Variants in NEURL1B observed in about 807,000 individuals in gnomAD.
NEURL1B encodes the protein E3 ubiquitin-protein ligase NEURL1B.
A neutral mutation model predicts 37.4 loss-of-function variants in NEURL1B; 13 were observed. The ratio of observed to expected loss-of-function variants is 0.35; its 90% CI spans 0.23 to 0.55. The LOEUF (loss-of-function observed/expected upper bound fraction) is 0.55. NEURL1B is among the 20% of genes least tolerant of loss of function. The pLI is 0.89. For synonymous variants in NEURL1B, 432 were observed against 426.6 expected (o/e 1.01, Z -0.16); for missense variants, 790 against 879.2 (o/e 0.90, Z 1.28).
chr5:172,663,904 G>C (rs906605537), intron 1 of NEURL1B, among the ~76,000 whole-genome samples: 7 of 147,542 alleles, frequency 4.7e-5, no homozygotes, highest in African/African-American at 1.7e-4. Flanking sequence ...GGTGCCAGAA[G>C]CTAAGGATCT....
intron 1 of NEURL1B, among the ~76,000 whole-genome samples, chr5:172,645,209 A>G (rs1205090277): frequency 6.6e-6 from 1 of 152,154 alleles, no homozygotes; most frequent in Non-Finnish European, 1.5e-5. Context: ...CCCATTTTAC[A>G]GGGCAGCAAG....
At position 172,683,654 on chromosome 5, in the gene NEURL1B, G is replaced by A; in HGVS notation, c.813G>A (p.Ser271=). ...CGPRERPRPA[S]SPALLEADLR... is the part of the protein sequence containing the mutation. The stretch of plus-strand genomic sequence containing the variant: ...CCCGTGAGCGCCCGCGGCCCGCGTC[G>A]TCGCCGGCGCTACTGGAGGCCGACC... Residue 271 remains serine, a synonymous_variant, in exon 3 of 5, where the codon TCG becomes TCA. Coordinates refer to ENST00000369800, the MANE Select transcript of NEURL1B (RefSeq NM_001142651.3). This position sits in a 1 kb window ranked among gnomAD's most constrained non-coding sequence, Gnocchi z 5.6. 1 of 1,263,444 alleles carries A rather than the reference G, an allele frequency of 7.9e-7. No homozygotes were observed. The highest frequency in any genetic ancestry group is 1.0e-6 in the Non-Finnish European group (1 of 996,550). 78.3% of individuals were successfully genotyped at this position (1,263,444 alleles called of 1,614,324 possible). A position where few individuals can be genotyped will look rare whatever the true frequency, so the allele number is the denominator to read the frequency against.
At position 172,647,640 on chromosome 5, in the gene NEURL1B, T is replaced by G. The variant is rs1757583814; in HGVS notation, c.31+6203T>G. Among the ~76,000 whole-genome samples the G allele has an allele frequency of 6.6e-6, 1 of 152,074 alleles. No individual in the cohort carries two copies. The highest frequency in any genetic ancestry group is 1.9e-4 in the East Asian group (1 of 5,176). On this transcript the variant is annotated intron_variant, in intron 1 of 4. Coordinates refer to ENST00000369800, the MANE Select transcript of NEURL1B (RefSeq NM_001142651.3). This position sits in a 1 kb window ranked among gnomAD's most constrained non-coding sequence, Gnocchi z 4.2. ...CACCCTTATTGCAGGTGCACTCCCT[T>G]TGCCCTCTGAAGATGAATTACTTCT... is the stretch of plus-strand genomic sequence containing the variant.
intron 1 of NEURL1B, among the ~76,000 whole-genome samples, chr5:172,648,648 A>G (rs1194681324): frequency 6.6e-6 from 1 of 152,260 alleles, no homozygotes; most frequent in African/African-American, 2.4e-5. Flanking sequence ...GAGGGTTCCC[A>G]TGGAGGACAT....
In NEURL1B at chr5:172,686,670, C is replaced by T; in HGVS notation, c.1424-11C>T. 6.5e-7 allele frequency: 1 copy of T among 1,547,770 alleles called. No homozygotes were observed. ...CATTGTTAACATATGTCCTCTTCTCCCTTTCGGCAGTGACGGCCCCCAGCT... is the reference window on the plus strand; with the variant it reads ...CATTGTTAACATATGTCCTCTTCTCTCTTTCGGCAGTGACGGCCCCCAGCT... On this transcript the variant is annotated splice_polypyrimidine_tract_variant and intron_variant, in intron 4 of 4. Coordinates refer to ENST00000369800, the MANE Select transcript of NEURL1B (RefSeq NM_001142651.3). The surrounding 1 kb of genome is among the most constrained non-coding windows in gnomAD (Gnocchi z 7.9).
rs1434877518 is a variant in NEURL1B at position 172,690,483 on chromosome 5, C to T, written c.*3558C>T. ...TCAGGGGTTTGATAAAACAGCACCACATAACGCACACAAAGATACTCCAGA... is the reference window on the plus strand; with the variant it reads ...TCAGGGGTTTGATAAAACAGCACCATATAACGCACACAAAGATACTCCAGA... On this transcript the variant is annotated 3_prime_UTR_variant, in exon 5 of 5. Coordinates refer to ENST00000369800, the MANE Select transcript of NEURL1B (RefSeq NM_001142651.3). 6.6e-6 allele frequency: 1 copy of T among 152,232 alleles called. No homozygotes were observed. The highest frequency in any genetic ancestry group is 1.5e-5 in the Non-Finnish European group (1 of 68,054). 9.4% of individuals were successfully genotyped at this position (152,232 alleles called of 1,614,324 possible).
In NEURL1B at chr5:172,670,197, C is replaced by T. The variant is rs1758096280; in HGVS notation, c.444C>T (p.Ala148=). The change falls in exon 2 of 5, where the codon GCC becomes GCT. Residue 148 remains alanine (A), a synonymous_variant. Transcript: ENST00000369800. ...ALRDTVLAYW[A]DRHGRVFYSV... ...GCGACACGGTGCTGGCCTACTGGGC[C>T]GACCGCCACGGCCGCGTGTTCTACA... 1 of 1,462,356 alleles carries T rather than the reference C, an allele frequency of 6.8e-7. No homozygotes were observed. Among genetic ancestry groups the T allele is most frequent in the Admixed American group, 2.6e-5 (1 of 38,512 alleles). The allele number at this position is 1,462,356 out of a possible 1,614,324, so 90.6% of individuals were successfully genotyped here.
At chr5:172,656,351 T>A (rs920098725) in intron 1 of NEURL1B, among the ~76,000 whole-genome samples, 10 of 152,152 alleles carry the variant, frequency 6.6e-5, no homozygotes, top group Admixed American at 3.3e-4. Flanking sequence ...TAAGTTTATT[T>A]TTTATTTATT....
chr5:172,641,344 G>A lies in NEURL1B; in HGVS notation c.-63G>A, dbSNP rs1338863948. 7.3e-6 allele frequency: 10 copies of A among 1,362,154 alleles called. No homozygotes were observed. The highest frequency in any genetic ancestry group is 3.1e-5 in the Admixed American group (1 of 32,060). 84.4% of individuals were successfully genotyped at this position (1,362,154 alleles called of 1,614,324 possible). A position where few individuals can be genotyped will look rare whatever the true frequency, so the allele number is the denominator to read the frequency against. ...CGACCCCGGTCCTGGTCCCTGGCCC[G>A]CCGCGTAATTAGCCTCCGCGCGCCC... On this transcript the variant is annotated 5_prime_UTR_variant, in exon 1 of 5. Coordinates refer to ENST00000369800, the MANE Select transcript of NEURL1B (RefSeq NM_001142651.3). This position sits in a 1 kb window ranked among gnomAD's most constrained non-coding sequence, Gnocchi z 6.4.
intron 1 of NEURL1B, among the ~76,000 whole-genome samples, chr5:172,659,765 C>T (rs1419226938): frequency 1.3e-5 from 2 of 152,202 alleles, no homozygotes; most frequent in African/African-American, 4.8e-5. Flanking sequence ...CTGGCCTGTA[C>T]TCCTCACAGT....
chr5:172,685,760 C>T lies in NEURL1B; in HGVS notation c.1298-411C>T, dbSNP rs145177886. On this transcript the variant is annotated intron_variant, in intron 3 of 4. Coordinates refer to ENST00000369800, the MANE Select transcript of NEURL1B (RefSeq NM_001142651.3). Reference sequence around the variant, plus strand: ...GGTTGGCTCTTCCAGCTCCAGGCTTCCTTCCCAATGAATGGAATGAGTTCC... The same window carrying T: ...GGTTGGCTCTTCCAGCTCCAGGCTTTCTTCCCAATGAATGGAATGAGTTCC... Among the ~76,000 whole-genome samples the T allele has an allele frequency of 7.5e-3, 1,149 of 152,302 alleles. 6 individuals are homozygous for T. Among genetic ancestry groups the T allele is most frequent in the Non-Finnish European group, 0.011 (750 of 68,028 alleles).
In NEURL1B at chr5:172,684,131, T is replaced by A. The variant is rs1217643077; in HGVS notation, c.1290T>A (p.Arg430=). The part of the protein sequence containing the change: ...AVRGGVAGQL[R]LLGTLQSSPA... ...GCGGCGGCGTCGCGGGCCAGCTGCGTCTCCTCGGTGAGTCCCCGGCCCCGC... is the reference window on the plus strand; with the variant it reads ...GCGGCGGCGTCGCGGGCCAGCTGCGACTCCTCGGTGAGTCCCCGGCCCCGC... The change falls in exon 3 of 5, where the codon CGT becomes CGA. Residue 430 remains arginine (R), a synonymous_variant. Transcript: ENST00000369800. 4 of 1,249,916 alleles carry A rather than the reference T, an allele frequency of 3.2e-6. No individual in the cohort carries two copies. The highest frequency in any genetic ancestry group is 4.0e-6 in the Non-Finnish European group (4 of 996,688). 77.4% of individuals were successfully genotyped at this position (1,249,916 alleles called of 1,614,324 possible).
intron 1 of NEURL1B, among the ~76,000 whole-genome samples, chr5:172,663,843 T>TATC (rs1757955011): frequency 6.7e-6 from 1 of 148,692 alleles, no homozygotes; most frequent in Non-Finnish European, 1.5e-5. Context: ...TTATTATTAT[T>TATC]ATTATTATTA....
chr5:172,655,818 A>G (rs1757764746), intron 1 of NEURL1B, among the ~76,000 whole-genome samples: 1 of 151,876 alleles, frequency 6.6e-6, no homozygotes, highest in South Asian at 2.1e-4. Context: ...GGCTGCCACA[A>G]TAGGGCGGGG....
In NEURL1B at chr5:172,681,177, C is replaced by G. The variant is rs141756157; in HGVS notation, c.578-2242C>G. ...GAAGTCCACTCCTATGATCCAATCA[C>G]CTCCAACACTAGGGATTACAATTTG... On this transcript the variant is annotated intron_variant, in intron 2 of 4. Transcript: ENST00000369800. 1.1e-3 allele frequency among the ~76,000 whole-genome samples: 167 copies of G among 152,268 alleles called. 2 individuals carry two copies. The South Asian group carries it at 0.024, about 22-fold the overall frequency.
At chr5:172,643,016 C>T (rs1757495286) in intron 1 of NEURL1B, among the ~76,000 whole-genome samples, 2 of 152,236 alleles carry the variant, frequency 1.3e-5, no homozygotes, top group African/African-American at 4.8e-5. Context: ...AGCCATTCTG[C>T]CACCTGTGGG....
At chr5:172,650,756 A>G (rs1406406121) in intron 1 of NEURL1B, among the ~76,000 whole-genome samples, 1 of 152,214 alleles carries the variant, frequency 6.6e-6, no homozygotes, top group African/African-American at 2.4e-5. Flanking sequence ...AGGGAGGGGA[A>G]GGGGTTCGTA....
Position 172,683,373 on chromosome 5 carries a change from G to T in NEURL1B, c.578-46G>T. 7.8e-7 allele frequency: 1 copy of T among 1,275,456 alleles called. No homozygotes were observed. Among genetic ancestry groups the T allele is most frequent in the South Asian group, 2.4e-5 (1 of 41,682 alleles). 79.0% of individuals were successfully genotyped at this position (1,275,456 alleles called of 1,614,324 possible). ...GCGAGGAGGGGCTCGCGACCAGCCT[G>T]ACGCGCGGCCTCTCCCCCTCCATGT... On this transcript the variant is annotated intron_variant, in intron 2 of 4. Coordinates refer to ENST00000369800, the MANE Select transcript of NEURL1B (RefSeq NM_001142651.3). This position sits in a 1 kb window ranked among gnomAD's most constrained non-coding sequence, Gnocchi z 5.6.
At position 172,665,697 on chromosome 5, in the gene NEURL1B, CA is replaced by C. The variant is rs1757996996; in HGVS notation, c.32-4085del. On this transcript the variant is annotated intron_variant, in intron 1 of 4. Transcript: ENST00000369800. The surrounding 1 kb of genome is among the most constrained non-coding windows in gnomAD (Gnocchi z 4.1). The stretch of plus-strand genomic sequence containing the variant: ...CTACCGTATCACTTTACCCTCCCCC[CA>C]AATTCCAGCCTCCCCCTGCCTCTGC... Among the ~76,000 whole-genome samples, 1 of 152,062 alleles carries C rather than the reference CA, an allele frequency of 6.6e-6. No individual in the cohort carries two copies.
Sources: gnomAD v4.1 joint callset for allele counts (sites outside exome capture counted in the v4.1 genomes callset) on GRCh38, gnomAD v4.1.1 for gene constraint, Gnocchi (gnomAD v3.1) non-coding constraint, MANE v1.5 for transcripts, NCBI Gene and HGNC (gene_info 2026-07-23, HGNC 2026-07-21) for gene names.